Variants in FBXL2 observed in about 807,000 individuals in gnomAD.
FBXL2 encodes F-box and leucine rich repeat protein 2, also known as F-box/LRR-repeat protein 2.
A neutral mutation model predicts 69.2 loss-of-function variants in FBXL2; 38 were observed. The ratio of observed to expected loss-of-function variants is 0.55; its 90% CI spans 0.42 to 0.72. FBXL2 has a LOEUF of 0.72. Among genes scored for constraint, FBXL2 ranks in the 30% least tolerant of loss-of-function variants. The pLI, the probability that FBXL2 is intolerant of heterozygous loss-of-function variation, is 0.00. For missense variants in FBXL2, 354 were observed against 520.3 expected (o/e 0.68, Z 3.11); for synonymous variants, 192 against 201.3 (o/e 0.95, Z 0.39).
At chr3:33,315,536 A>G (rs1042758256) in intron 2 of FBXL2, among the ~76,000 whole-genome samples, 2 of 151,692 alleles carry the variant, frequency 1.3e-5, no homozygotes, top group Admixed American at 6.6e-5. Flanking sequence ...AAGAGGGTCT[A>G]CAGGACTGGA....
the FBXL2 span, chr3:33,409,726 C>T: frequency 8.3e-7 from 1 of 1,197,982 alleles, no homozygotes; most frequent in Non-Finnish European, 1.2e-6. Flanking sequence ...ACTCATCACA[C>T]ATATTAGCCA....
chr3:33,396,353 C>A, intron 12 of FBXL2: 1 of 1,121,716 alleles, frequency 8.9e-7, no homozygotes, highest in Non-Finnish European at 1.3e-6. Flanking sequence ...ATGACAACTA[C>A]AGGAATCTAA....
At chr3:33,354,650 A>T (rs2041072696) in intron 2 of FBXL2, among the ~76,000 whole-genome samples, 1 of 152,254 alleles carries the variant, frequency 6.6e-6, no homozygotes, top group Admixed American at 6.5e-5. Flanking sequence ...AACCTATAGT[A>T]AACATCATAA....
At chr3:33,321,780 G>T (rs759444647) in intron 2 of FBXL2, among the ~76,000 whole-genome samples, 1 of 152,200 alleles carries the variant, frequency 6.6e-6, no homozygotes, top group African/African-American at 2.4e-5. Context: ...GTAGGCACTT[G>T]TAGCAGAATT....
chr3:33,323,594 A>C (rs887117038), intron 2 of FBXL2, among the ~76,000 whole-genome samples: 10 of 152,200 alleles, frequency 6.6e-5, no homozygotes, highest in Non-Finnish European at 8.8e-5. Context: ...TTTGCTAAGA[A>C]TAATGGTTTC....
At chr3:33,383,950 A>G in intron 13 of FBXL2, 39 bp from the exon 14 acceptor site, 1 of 1,593,682 alleles carries the variant, frequency 6.3e-7, no homozygotes, top group South Asian at 1.1e-5. Context: ...CCTTGGAATA[A>G]GGGTCCTGCA....
At chr3:33,306,778 A>G (rs2036758298) in intron 2 of FBXL2, among the ~76,000 whole-genome samples, 1 of 152,128 alleles carries the variant, frequency 6.6e-6, no homozygotes, top group Non-Finnish European at 1.5e-5. Context: ...GTGGTGCTGT[A>G]TTTGTTCATC....
At chr3:33,398,805 T>C (rs1044951108) in intron 12 of FBXL2, among the ~76,000 whole-genome samples, 13 of 152,218 alleles carry the variant, frequency 8.5e-5, no homozygotes, top group Admixed American at 8.5e-4. Context: ...CGGCGCTTTT[T>C]CTATGTGCTA....
At chr3:33,370,087 T>TA (rs1559619139) in intron 5 of FBXL2, among the ~76,000 whole-genome samples, 1 of 152,064 alleles carries the variant, frequency 6.6e-6, no homozygotes, top group Admixed American at 6.6e-5. Flanking sequence ...CTTCTATGTC[T>TA]AAAAAAATCT....
intron 1 of FBXL2, among the ~76,000 whole-genome samples, chr3:33,277,997 G>T (rs1254212865): frequency 6.6e-6 from 1 of 152,072 alleles, no homozygotes; most frequent in Non-Finnish European, 1.5e-5. Context: ...ATTCTGATAG[G>T]TTTTTTAGCA....
chr3:33,330,355 G>A (rs552567408), intron 2 of FBXL2, among the ~76,000 whole-genome samples: 38 of 152,068 alleles, frequency 2.5e-4, no homozygotes, highest in African/African-American at 2.7e-4. Flanking sequence ...GGAAGGGTAC[G>A]GAGTTCTGGG....
chr3:33,394,552 T>G (rs1162264204), intron 12 of FBXL2, among the ~76,000 whole-genome samples: 2 of 152,188 alleles, frequency 1.3e-5, no homozygotes, highest in Non-Finnish European at 2.9e-5. Context: ...ACAGAACTTA[T>G]CAGCAGACAT....
intron 2 of FBXL2, among the ~76,000 whole-genome samples, chr3:33,303,968 G>A (rs1020719514): frequency 1.3e-5 from 2 of 151,436 alleles, no homozygotes; most frequent in Non-Finnish European, 2.9e-5. Context: ...AAGGAGATAC[G>A]AGATACTTTA....
intron 2 of FBXL2, among the ~76,000 whole-genome samples, chr3:33,353,134 T>C (rs2040948503): frequency 6.6e-6 from 1 of 152,164 alleles, no homozygotes; most frequent in Admixed American, 6.5e-5. Context: ...AAATACAAAA[T>C]GGTGGTAAGA....
chr3:33,372,932 A>T (rs2042385043), intron 5 of FBXL2, 160 bp from the exon 6 acceptor site: 1 of 677,826 alleles, frequency 1.5e-6, no homozygotes, highest in Non-Finnish European at 2.7e-6. Flanking sequence ...CCCATTCTAG[A>T]TCTATCATCA....
intron 2 of FBXL2, among the ~76,000 whole-genome samples, chr3:33,307,995 A>C (rs2036865354): frequency 6.6e-6 from 1 of 152,124 alleles, no homozygotes; most frequent in African/African-American, 2.4e-5. Flanking sequence ...GAGTCCATTT[A>C]CATGATCTTA....
In FBXL2 at chr3:33,322,064, A is replaced by ATTTTTT. The variant is rs34703817; in HGVS notation, c.65+24365_65+24370dup. On this transcript the variant is annotated intron_variant, in intron 2 of 14. Coordinates refer to ENST00000484457, the MANE Select transcript of FBXL2 (RefSeq NM_012157.5). ...CAAATGTACACGTGGTGACTAGGTG[A>ATTTTTT]TTTTTTTTTTTTTTTTTTTTTTTTT... Among the ~76,000 whole-genome samples the ATTTTTT allele has an allele frequency of 1.6e-4, 10 of 62,480 alleles. 1 individual carries two copies. Among genetic ancestry groups the ATTTTTT allele is most frequent in the African/African-American group, 4.6e-4 (6 of 13,148 alleles). The allele number at this position is 62,480 out of a possible 152,430, so 41.0% of individuals were successfully genotyped here. A position where few individuals can be genotyped will look rare whatever the true frequency, so the allele number is the denominator to read the frequency against.
At chr3:33,286,441 G>A (rs935705411) in intron 1 of FBXL2, among the ~76,000 whole-genome samples, 18 of 152,134 alleles carry the variant, frequency 1.2e-4, no homozygotes, top group African/African-American at 1.7e-4. Context: ...GGTGTCAGTC[G>A]GCCTCTACTG....
intron 1 of FBXL2, among the ~76,000 whole-genome samples, chr3:33,293,753 G>A (rs1168711286): frequency 6.6e-6 from 1 of 152,050 alleles, no homozygotes; most frequent in Non-Finnish European, 1.5e-5. Flanking sequence ...AGGTTTTCAT[G>A]TCATTCACCA....
Sources: allele counts gnomAD v4.1 joint callset (sites outside exome capture counted in the v4.1 genomes callset), GRCh38; gene constraint gnomAD v4.1.1; transcripts MANE v1.5; gene names NCBI Gene and HGNC (gene_info 2026-07-23, HGNC 2026-07-21).